The following ASTN2 variants were observed in gnomAD, a reference collection of about 807,000 sequenced individuals.
ASTN2 encodes astrotactin 2.
In ASTN2, 54 loss-of-function variants were observed where a neutral mutation model predicts 139.8. The ratio of observed to expected loss-of-function variants is 0.39; its 90% CI spans 0.31 to 0.48. ASTN2 has a LOEUF of 0.48. ASTN2 is among the 20% of genes least tolerant of loss of function. The probability of loss-of-function intolerance (pLI) is 0.95; values close to 1 mark genes in which losing one functional copy is unlikely to be tolerated. For missense variants in ASTN2, 1,565 were observed against 1,725.1 expected (o/e 0.91, Z 1.64); for synonymous variants, 756 against 719.5 (o/e 1.05, Z -0.81).
intron 13 of ASTN2, among the ~76,000 whole-genome samples, chr9:116,734,780 T>G (rs1201251329): frequency 6.6e-6 from 1 of 152,160 alleles, no homozygotes; most frequent in Non-Finnish European, 1.5e-5. Flanking sequence ...CACCTTCCTG[T>G]CTGCTCAACA....
intron 16 of ASTN2, among the ~76,000 whole-genome samples, chr9:116,677,659 T>C (rs1305574348): frequency 6.6e-6 from 1 of 152,188 alleles, no homozygotes; most frequent in African/African-American, 2.4e-5. Context: ...AATGGGCTGA[T>C]TGGCTTTGGG....
At chr9:116,695,076 C>T (rs1365126110) in intron 16 of ASTN2, among the ~76,000 whole-genome samples, 2 of 151,992 alleles carry the variant, frequency 1.3e-5, no homozygotes, top group Non-Finnish European at 2.9e-5. Flanking sequence ...TTCCCCAGAG[C>T]GTGGTCAAGG....
intron 19 of ASTN2, among the ~76,000 whole-genome samples, chr9:116,523,613 G>A (rs78043174): frequency 0.01 from 1,540 of 152,240 alleles, 20 homozygotes; most frequent in Non-Finnish European, 0.016. Flanking sequence ...CTGGTCTAAA[G>A]TAGGCCCTAA....
intron 2 of ASTN2, among the ~76,000 whole-genome samples, chr9:117,269,688 A>C (rs1196796017): frequency 6.6e-6 from 1 of 152,210 alleles, no homozygotes; most frequent in African/African-American, 2.4e-5. Context: ...ATCACAGATT[A>C]TTTTTAATGC....
intron 16 of ASTN2, among the ~76,000 whole-genome samples, chr9:116,660,384 T>C (rs772100141): frequency 6.6e-6 from 1 of 152,248 alleles, no homozygotes; most frequent in Non-Finnish European, 1.5e-5. Context: ...GTGTTTTGCT[T>C]GAGTTTAAAT....
chr9:116,707,605 A>G (rs1828027801), intron 16 of ASTN2, among the ~76,000 whole-genome samples: 1 of 152,192 alleles, frequency 6.6e-6, no homozygotes, highest in Admixed American at 6.5e-5. Context: ...AAGAAACAAA[A>G]AACTAAAACA....
intron 19 of ASTN2, among the ~76,000 whole-genome samples, chr9:116,529,655 G>A (rs551945828): frequency 2.0e-5 from 3 of 152,086 alleles, no homozygotes; most frequent in Admixed American, 6.5e-5. Context: ...TAATCCCCAC[G>A]TGTCAGGGGA....
At chr9:117,160,399 GGACCAATCTCCCTAAAAA>G (rs1830521428) in intron 3 of ASTN2, among the ~76,000 whole-genome samples, 3 of 112,890 alleles carry the variant, frequency 2.7e-5, no homozygotes, top group Non-Finnish European at 3.9e-5. Flanking sequence ...CAATAACACA[GGACCAATCTCCCTAAAAA>G]GGCCACTGGA....
At chr9:116,594,214 C>T (rs1281310019) in intron 19 of ASTN2, among the ~76,000 whole-genome samples, 2 of 152,182 alleles carry the variant, frequency 1.3e-5, no homozygotes, top group African/African-American at 2.4e-5. Flanking sequence ...GTGAACACAT[C>T]CCTGTACTGG....
chr9:116,614,900 G>T (rs1017073951), intron 19 of ASTN2, among the ~76,000 whole-genome samples: 2 of 152,160 alleles, frequency 1.3e-5, no homozygotes, highest in Non-Finnish European at 2.9e-5. Flanking sequence ...AAGAGCTTCT[G>T]CACAACAAAA....
chr9:116,869,194 A>G (rs1470705141), intron 10 of ASTN2, among the ~76,000 whole-genome samples: 1 of 152,164 alleles, frequency 6.6e-6, no homozygotes, highest in Admixed American at 6.5e-5. Flanking sequence ...TCAAAAAGAA[A>G]GAAAGAAAAA....
intron 6 of ASTN2, among the ~76,000 whole-genome samples, chr9:117,010,661 A>G (rs1319799405): frequency 6.8e-6 from 1 of 146,370 alleles, no homozygotes; most frequent in African/African-American, 2.4e-5. Flanking sequence ...CTTAGGTCAG[A>G]ATCATCAGAA....
chr9:116,796,453 A>T (rs934803726), intron 13 of ASTN2, among the ~76,000 whole-genome samples: 1 of 152,190 alleles, frequency 6.6e-6, no homozygotes, highest in South Asian at 2.1e-4. Flanking sequence ...GCTCCTGGCC[A>T]TAGGAGTTGA....
chr9:117,331,440 T>A (rs574442604), intron 1 of ASTN2, among the ~76,000 whole-genome samples: 2 of 152,054 alleles, frequency 1.3e-5, no homozygotes, highest in Admixed American at 1.3e-4. Context: ...AGACAGAATA[T>A]CAATTGAGCC....
chr9:117,234,546 T>A (rs1400561044), intron 2 of ASTN2, among the ~76,000 whole-genome samples: 1 of 152,172 alleles, frequency 6.6e-6, no homozygotes, highest in East Asian at 1.9e-4. Flanking sequence ...TAAGGTTAGC[T>A]GACATTGTTA....
intron 4 of ASTN2, among the ~76,000 whole-genome samples, chr9:117,136,052 T>G (rs2132848068): frequency 6.6e-6 from 1 of 152,312 alleles, no homozygotes; most frequent in South Asian, 2.1e-4. Flanking sequence ...TTCTTGCTTC[T>G]ATAACAAGGT....
chr9:116,919,259 C>A (rs2132432968), intron 10 of ASTN2, among the ~76,000 whole-genome samples: 1 of 152,246 alleles, frequency 6.6e-6, no homozygotes, highest in Admixed American at 6.5e-5. Flanking sequence ...AGGTGGAGGG[C>A]AAGGAGTTAT....
intron 12 of ASTN2, among the ~76,000 whole-genome samples, chr9:116,817,077 G>A (rs1282146251): frequency 1.3e-5 from 2 of 151,956 alleles, no homozygotes; most frequent in Non-Finnish European, 2.9e-5. Flanking sequence ...GGCAGATCAT[G>A]AGGTCAGGAG....
chr9:117,251,994 G>C (rs1450277446), intron 2 of ASTN2, among the ~76,000 whole-genome samples: 1 of 152,178 alleles, frequency 6.6e-6, no homozygotes, highest in East Asian at 1.9e-4. Flanking sequence ...ATGCCCAAAA[G>C]TGGCTAGAAT....
Sources: gnomAD v4.1 joint callset for allele counts (sites outside exome capture counted in the v4.1 genomes callset) on GRCh38, gnomAD v4.1.1 for gene constraint, MANE v1.5 for transcripts, NCBI Gene and HGNC (gene_info 2026-07-23, HGNC 2026-07-21) for gene names.